The following STIMATE variants were observed in gnomAD, a reference collection of about 807,000 sequenced individuals.
STIMATE encodes store-operated calcium entry regulator STIMATE.
In STIMATE, 15 loss-of-function variants were observed where a neutral mutation model predicts 36.7. The observed-to-expected ratio is 0.41, with a 90% CI of 0.27 to 0.63. The LOEUF (loss-of-function observed/expected upper bound fraction) is 0.63, where lower values mean the gene tolerates loss of function less well. Ranked by LOEUF, STIMATE falls within the 20% of genes least tolerant of loss-of-function variation. The probability of loss-of-function intolerance (pLI) is 0.32; values close to 1 mark genes in which losing one functional copy is unlikely to be tolerated. For synonymous variants in STIMATE, 163 were observed against 162.3 expected (o/e 1.00, Z -0.03); for missense variants, 305 against 397.3 (o/e 0.77, Z 1.98).
At chr3:52,870,863 GT>G (rs1456905083) in intron 1 of STIMATE, among the ~76,000 whole-genome samples, 5 of 152,074 alleles carry the variant, frequency 3.3e-5, no homozygotes, top group African/African-American at 1.2e-4. Flanking sequence ...GGTCACTAAG[GT>G]GCTCCAAGTA....
intron 1 of STIMATE, among the ~76,000 whole-genome samples, chr3:52,857,103 G>C (rs1447848341): frequency 6.6e-6 from 1 of 152,208 alleles, no homozygotes; most frequent in Non-Finnish European, 1.5e-5. Flanking sequence ...GACAGGGAAG[G>C]AGAAAATGGT....
At chr3:52,862,392 G>C (rs1255912299) in intron 1 of STIMATE, among the ~76,000 whole-genome samples, 1 of 152,180 alleles carries the variant, frequency 6.6e-6, no homozygotes, top group Non-Finnish European at 1.5e-5. Context: ...CCAGCACTGA[G>C]CACTTACTCT....
At chr3:52,842,683 TCTC>T in intron 7 of STIMATE, 125 bp downstream of exon 7, 3 of 1,525,962 alleles carry the variant, frequency 2.0e-6, no homozygotes, top group Non-Finnish European at 1.8e-6. Flanking sequence ...CTCAGCCTCT[TCTC>T]CTGCCCTCTG....
chr3:52,852,577 T>C (rs1458577998), intron 3 of STIMATE, 26 bp downstream of exon 3: 1 of 1,612,052 alleles, frequency 6.2e-7, no homozygotes, highest in Non-Finnish European at 8.5e-7. Context: ...GCAGCTGATG[T>C]TTGCACTCAA....
At position 52,839,112 on chromosome 3, in the gene STIMATE, G is replaced by C. The variant is rs550245955; in HGVS notation, c.*1382C>G. 6.6e-6 allele frequency: 1 copy of C among 152,232 alleles called. No individual in the cohort carries two copies. The highest frequency in any genetic ancestry group is 1.5e-5 in the Non-Finnish European group (1 of 68,048). 9.4% of individuals were successfully genotyped at this position (152,232 alleles called of 1,614,324 possible). On this transcript the variant is annotated 3_prime_UTR_variant, in exon 8 of 8. Transcript: ENST00000355083. ...CACAGGGGCCTGTGGCCATGCTGAG[G>C]AGTAGTGACCATTCCCCAGGGAGGG... is the stretch of plus-strand genomic sequence containing the variant.
At chr3:52,856,471 G>A (rs1701098399) in intron 1 of STIMATE, among the ~76,000 whole-genome samples, 2 of 151,428 alleles carry the variant, frequency 1.3e-5, no homozygotes, top group South Asian at 4.2e-4. Context: ...GCTTGAGCCC[G>A]GGAGTTCGAG....
At chr3:52,843,132 C>T (rs1700832025) in intron 6 of STIMATE, 172 bp from the exon 7 acceptor site, 1 of 1,241,310 alleles carries the variant, frequency 8.1e-7, no homozygotes, top group Non-Finnish European at 1.1e-6. Flanking sequence ...GATTCCCAGT[C>T]TCCACATCCT....
intron 1 of STIMATE, among the ~76,000 whole-genome samples, chr3:52,885,485 A>G (rs915098006): frequency 1.3e-5 from 2 of 152,216 alleles, no homozygotes; most frequent in Non-Finnish European, 2.9e-5. Context: ...TGGATGTCCC[A>G]GGTGTTCAAC....
In STIMATE at chr3:52,842,220, C is replaced by A. The variant is rs190822153; in HGVS notation, c.768+591G>T. On this transcript the variant is annotated intron_variant, in intron 7 of 7. Transcript: ENST00000355083. ...ATGCCTCCCACGAGCTGGCCCTGCA[C>A]GCAGATGTGGGGTGAGTGCTGCGGG... Among the ~76,000 whole-genome samples the A allele has an allele frequency of 5.3e-5, 8 of 152,224 alleles. No homozygotes were observed. The East Asian group carries it at 5.8e-4, about 11-fold the overall frequency.
intron 1 of STIMATE, among the ~76,000 whole-genome samples, chr3:52,866,226 C>G (rs1701308717): frequency 6.6e-6 from 1 of 152,252 alleles, no homozygotes; most frequent in African/African-American, 2.4e-5. Flanking sequence ...AGTACCCATT[C>G]CCACATTCTT....
intron 1 of STIMATE, among the ~76,000 whole-genome samples, chr3:52,885,882 T>C (rs1015803802): frequency 6.6e-6 from 1 of 152,238 alleles, no homozygotes; most frequent in African/African-American, 2.4e-5. Context: ...CTCACTGTCT[T>C]GATGCCTGCT....
chr3:52,870,206 C>T (rs1701379385), intron 1 of STIMATE, among the ~76,000 whole-genome samples: 1 of 152,212 alleles, frequency 6.6e-6, no homozygotes, highest in Non-Finnish European at 1.5e-5. Flanking sequence ...GATCCACCTG[C>T]CTTGGCCTCC....
chr3:52,874,831 G>C (rs554221076), intron 1 of STIMATE, among the ~76,000 whole-genome samples: 9 of 152,280 alleles, frequency 5.9e-5, no homozygotes, highest in African/African-American at 1.9e-4. Context: ...GACAGAGGGA[G>C]ATTCTGTCTC....
chr3:52,845,982 T>C (rs1700892403), intron 4 of STIMATE, among the ~76,000 whole-genome samples: 1 of 152,162 alleles, frequency 6.6e-6, no homozygotes, highest in African/African-American at 2.4e-5. Context: ...ATCCAGGCTA[T>C]GAGAAGATAA....
At chr3:52,894,103 A>C (rs1701825958) in intron 1 of STIMATE, among the ~76,000 whole-genome samples, 1 of 152,022 alleles carries the variant, frequency 6.6e-6, no homozygotes, top group Non-Finnish European at 1.5e-5. Flanking sequence ...AACCACCAAA[A>C]CGAGGAATTG....
intron 1 of STIMATE, among the ~76,000 whole-genome samples, chr3:52,881,432 G>A (rs746208657): frequency 1.3e-5 from 2 of 152,170 alleles, no homozygotes; most frequent in Non-Finnish European, 1.5e-5. Flanking sequence ...GGCTGGGCGC[G>A]GTGGCTTGAC....
intron 1 of STIMATE, among the ~76,000 whole-genome samples, chr3:52,885,424 G>C (rs539334180): frequency 6.6e-6 from 1 of 152,204 alleles, no homozygotes; most frequent in East Asian, 1.9e-4. Context: ...CTTTTCTCTA[G>C]AGCTAGTTGA....
At chr3:52,897,150 A>G (rs1294340342) in intron 1 of STIMATE, 141 bp downstream of exon 1, 1 of 1,124,884 alleles carries the variant, frequency 8.9e-7, no homozygotes, top group African/African-American at 1.6e-5. Flanking sequence ...CCCCTAGTGC[A>G]GGAATACCCA....
At chr3:52,847,640 T>C in intron 4 of STIMATE, 2 of 1,035,824 alleles carry the variant, frequency 1.9e-6, no homozygotes, top group Non-Finnish European at 2.6e-6. Context: ...CTCAAATGGA[T>C]GGGCAGGATA....
Sources: allele counts gnomAD v4.1 joint callset (sites outside exome capture counted in the v4.1 genomes callset), GRCh38; gene constraint gnomAD v4.1.1; transcripts MANE v1.5; gene names NCBI Gene and HGNC (gene_info 2026-07-23, HGNC 2026-07-21).